Variants in MORF4L1 observed in about 807,000 individuals in gnomAD.
The protein encoded by MORF4L1 is mortality factor 4 like 1, also known as mortality factor 4-like protein 1.
Under a neutral mutation model 52.9 loss-of-function variants are expected in MORF4L1, and 4 were observed. That is an observed-to-expected ratio of 0.08 (90% CI 0.04 to 0.17). MORF4L1 has a LOEUF of 0.17. Ranked by LOEUF, MORF4L1 falls within the 10% of genes least tolerant of loss-of-function variation. MORF4L1 has a pLI of 1.00. For missense variants in MORF4L1, 214 were observed against 390.4 expected, an observed-to-expected ratio of 0.55 and a Z score of 3.81; for synonymous variants, 123 against 134.8, an observed-to-expected ratio of 0.91 and a Z score of 0.61.
intron 1 of MORF4L1, among the ~76,000 whole-genome samples, chr15:78,874,583 C>CTT (rs56665378): frequency 6.9e-4 from 77 of 112,174 alleles, no homozygotes; most frequent in East Asian, 1.0e-3. Flanking sequence ...CTTTTTCTTT[C>CTT]TTTTTTTTTT....
chr15:78,874,101 T>A (rs902077983), intron 1 of MORF4L1, among the ~76,000 whole-genome samples: 1 of 152,200 alleles, frequency 6.6e-6, no homozygotes, highest in Non-Finnish European at 1.5e-5. Context: ...TCACAACGCT[T>A]CAGTTAACGT....
intron 1 of MORF4L1, among the ~76,000 whole-genome samples, chr15:78,875,465 C>T (rs781459072): frequency 6.6e-6 from 1 of 152,120 alleles, no homozygotes; most frequent in Admixed American, 6.6e-5. Context: ...TGTGTAACCA[C>T]GTTTTAAAAA....
chr15:78,883,490 T>A (rs1211929174), intron 3 of MORF4L1, among the ~76,000 whole-genome samples: 2 of 152,244 alleles, frequency 1.3e-5, no homozygotes, highest in Non-Finnish European at 2.9e-5. Context: ...TATTTTCAGA[T>A]TTTATTGTTT....
At chr15:78,887,466 A>G in intron 5 of MORF4L1, 117 bp downstream of exon 5, 3 of 820,430 alleles carry the variant, frequency 3.7e-6, no homozygotes, top group Non-Finnish European at 5.7e-6. Flanking sequence ...ACCAGTAAGA[A>G]TCCCATTCCT....
intron 6 of MORF4L1, 101 bp downstream of exon 6, chr15:78,891,115 T>C (rs1162797450): frequency 3.1e-6 from 4 of 1,308,152 alleles, no homozygotes; most frequent in Non-Finnish European, 4.2e-6. Context: ...TTATGTTTAT[T>C]GATTATCTCA....
chr15:78,893,664 C>A lies in MORF4L1; in HGVS notation c.629+37C>A. 3 of 1,395,000 alleles carry A rather than the reference C, an allele frequency of 2.2e-6. No individual in the cohort carries two copies. In the South Asian group the frequency reaches 3.8e-5, roughly 18 times the overall value. The allele number at this position is 1,395,000 out of a possible 1,614,324, so 86.4% of individuals were successfully genotyped here. On this transcript the variant is annotated intron_variant, in intron 9 of 11. Coordinates refer to ENST00000426013, the MANE Select transcript of MORF4L1 (RefSeq NM_006791.4). The stretch of plus-strand genomic sequence containing the variant: ...CATTTTTCAGATGACACTCAAAAGA[C>A]ATTTAAAAAAGTTTCTAAATAAGTC...
intron 2 of MORF4L1, among the ~76,000 whole-genome samples, chr15:78,879,639 T>A (rs2056563619): frequency 6.6e-6 from 1 of 152,152 alleles, no homozygotes; most frequent in Non-Finnish European, 1.5e-5. Context: ...TTGTAAGTGC[T>A]AAATTACGAC....
At position 78,897,022 on chromosome 15, in the gene MORF4L1, C is replaced by T. The variant is rs776966908; in HGVS notation, c.927C>T (p.Ser309=). The T allele has an allele frequency of 6.8e-6, 11 of 1,612,634 alleles. No homozygotes were observed. Among genetic ancestry groups the T allele is most frequent in the South Asian group, 2.2e-5 (2 of 91,028 alleles). The change falls in exon 12 of 12, where the codon AGC becomes AGT. Residue 309 remains serine, a synonymous_variant. Transcript: ENST00000426013. ...ATTCTGCAACTTTGTTCAGTGCCAG[C>T]GATTATGAAGTGGCTCCTCCTGAGT... ...AKNSATLFSA[S]DYEVAPPEYH...
chr15:78,880,490 T>C, intron 2 of MORF4L1, 22 bp from the exon 3 acceptor site: 1 of 1,557,186 alleles, frequency 6.4e-7, no homozygotes, highest in South Asian at 1.2e-5. Context: ...AAGTGAATTA[T>C]TATTTTTTTT....
At chr15:78,875,500 G>A (rs1295135393) in intron 1 of MORF4L1, among the ~76,000 whole-genome samples, 1 of 152,218 alleles carries the variant, frequency 6.6e-6, no homozygotes, top group East Asian at 1.9e-4. Context: ...GGGGCACGGT[G>A]GCTCACGCCT....
intron 1 of MORF4L1, among the ~76,000 whole-genome samples, chr15:78,875,785 CAA>C (rs10592452): frequency 0.74 from 109,085 of 148,248 alleles, 42,313 homozygotes; most frequent in South Asian, 0.88. Context: ...GACTCCATTT[CAA>C]AAAAAAAAAA....
At position 78,897,169 on chromosome 15, in the gene MORF4L1, CAATT is replaced by C. The variant is rs2056905445; in HGVS notation, c.*103_*106del. 2 of 838,742 alleles carry C rather than the reference CAATT, an allele frequency of 2.4e-6. No homozygotes were observed. The highest frequency in any genetic ancestry group is 2.7e-5 in the East Asian group (1 of 36,890). The allele number at this position is 838,742 out of a possible 1,614,324, so 52.0% of individuals were successfully genotyped here. A position where few individuals can be genotyped will look rare whatever the true frequency, so the allele number is the denominator to read the frequency against. The stretch of plus-strand genomic sequence containing the variant: ...GTGCTTTGAAGATGTTAGTGTATAA[CAATT>C]GATGTTTGTTTTCTGTTTGATTTTA... On this transcript the variant is annotated 3_prime_UTR_variant, in exon 12 of 12. Transcript: ENST00000426013.
chr15:78,892,073 A>T, intron 7 of MORF4L1, 139 bp from the exon 8 acceptor site: 16 of 520,130 alleles, frequency 3.1e-5, no homozygotes, highest in Admixed American at 7.2e-5. Flanking sequence ...TTTATTAATG[A>T]TTTTAAAAAA....
intron 1 of MORF4L1, among the ~76,000 whole-genome samples, chr15:78,875,978 C>T (rs980408587): frequency 4.0e-5 from 6 of 151,632 alleles, no homozygotes; most frequent in African/African-American, 1.5e-4. Flanking sequence ...TGCTCTGTCG[C>T]CCAGGCTGGA....
chr15:78,888,110 C>A (rs1236028173), intron 5 of MORF4L1, among the ~76,000 whole-genome samples: 1 of 151,786 alleles, frequency 6.6e-6, no homozygotes, highest in Non-Finnish European at 1.5e-5. Context: ...GATTTTAGAA[C>A]ATCTGATAAG....
intron 1 of MORF4L1, among the ~76,000 whole-genome samples, chr15:78,876,828 G>T (rs997143969): frequency 2.0e-5 from 3 of 152,172 alleles, no homozygotes; most frequent in African/African-American, 4.8e-5. Context: ...CCACTTAAAA[G>T]AATTATAGAA....
intron 5 of MORF4L1, 72 bp downstream of exon 5, chr15:78,887,421 C>T: frequency 1.5e-6 from 2 of 1,361,248 alleles, no homozygotes; most frequent in Non-Finnish European, 2.0e-6. Context: ...GTGTGTTAGA[C>T]TGTGTTGAAG....
chr15:78,876,917 A>G (rs1455061964), intron 1 of MORF4L1, among the ~76,000 whole-genome samples: 3 of 152,080 alleles, frequency 2.0e-5, no homozygotes, highest in East Asian at 3.9e-4. Context: ...TTGAAAATAC[A>G]TAGTTTTAAA....
Position 78,872,929 on chromosome 15 carries a change from C to T in MORF4L1, c.-89C>T, listed in dbSNP as rs2056393364. On this transcript the variant is annotated 5_prime_UTR_variant, in exon 1 of 12. Coordinates refer to ENST00000426013, the MANE Select transcript of MORF4L1 (RefSeq NM_006791.4). ...ATGTAGAGCTGGCAGTGCCTGACGG[C>T]GCGTCTGACGCGGAGTTGGGTGGGG... 2 of 1,500,702 alleles carry T rather than the reference C, an allele frequency of 1.3e-6. No homozygotes were observed. The highest frequency in any genetic ancestry group is 2.5e-5 in the South Asian group (2 of 79,916). 93.0% of individuals were successfully genotyped at this position (1,500,702 alleles called of 1,614,324 possible). A position where few individuals can be genotyped will look rare whatever the true frequency, so the allele number is the denominator to read the frequency against.
Sources: gnomAD v4.1 joint callset for allele counts (sites outside exome capture counted in the v4.1 genomes callset) on GRCh38, gnomAD v4.1.1 for gene constraint, MANE v1.5 for transcripts, NCBI Gene and HGNC (gene_info 2026-07-23, HGNC 2026-07-21) for gene names.